ST3GAL3: variants seen among roughly 807,000 people sequenced by gnomAD.
ST3GAL3 encodes the protein CMP-N-acetylneuraminate-beta-1,4-galactoside alpha-2,3-sialyltransferase.
ST3GAL3 carries 21 observed loss-of-function variants against 50.1 expected under a neutral mutation model. The ratio of observed to expected loss-of-function variants is 0.42; its 90% CI spans 0.30 to 0.60. The LOEUF (loss-of-function observed/expected upper bound fraction) is 0.60, where lower values mean the gene tolerates loss of function less well. ST3GAL3 is among the 20% of genes least tolerant of loss of function. The pLI is 0.19. For missense variants in ST3GAL3, 353 were observed against 489.4 expected (o/e 0.72, Z 2.63); for synonymous variants, 183 against 190.0 (o/e 0.96, Z 0.30).
Position 43,899,043 on chromosome 1 carries a change from A to G in ST3GAL3, c.462-125A>G. 1.5e-6 allele frequency: 2 copies of G among 1,368,864 alleles called. No homozygotes were observed. The highest frequency in any genetic ancestry group is 1.2e-5 in the South Asian group (1 of 80,972). The allele number at this position is 1,368,864 out of a possible 1,614,324, so 84.8% of individuals were successfully genotyped here. On this transcript the variant is annotated intron_variant, in intron 7 of 11. Coordinates refer to ENST00000347631, the MANE Select transcript of ST3GAL3 (RefSeq NM_006279.5). This position sits in a 1 kb window ranked among gnomAD's most constrained non-coding sequence, Gnocchi z 5.4. Reference sequence around the variant, plus strand: ...CTCTCAGAAATGCTGCCAGAAGCCCATTGGTCTTCTTCCTCTATCCCAGCC... The same window carrying G: ...CTCTCAGAAATGCTGCCAGAAGCCCGTTGGTCTTCTTCCTCTATCCCAGCC...
chr1:43,751,808 T>C (rs1686215055), intron 2 of ST3GAL3, among the ~76,000 whole-genome samples: 1 of 152,126 alleles, frequency 6.6e-6, no homozygotes, highest in South Asian at 2.1e-4. Context: ...GAGGTTGTAA[T>C]TGGTTACATT....
chr1:43,884,552 A>C (rs1180239200), intron 5 of ST3GAL3, among the ~76,000 whole-genome samples: 1 of 152,152 alleles, frequency 6.6e-6, no homozygotes, highest in Non-Finnish European at 1.5e-5. Context: ...CTATCTCCCT[A>C]CGTTATGTCT....
chr1:43,930,536 T>TG lies in ST3GAL3; in HGVS notation c.*316dup, dbSNP rs2084881939. On this transcript the variant is annotated 3_prime_UTR_variant, in exon 12 of 12. Transcript: ENST00000347631. ...AATCACTTCTCCAATCAGTGTTTGG[T>TG]GTATTATCATTTTGTGAATTTGGGT... 1 of 481,444 alleles carries TG rather than the reference T, an allele frequency of 2.1e-6. No homozygotes were observed. The highest frequency in any genetic ancestry group is 3.8e-6 in the Non-Finnish European group (1 of 262,486). The allele number at this position is 481,444 out of a possible 1,614,324, so 29.8% of individuals were successfully genotyped here.
intron 2 of ST3GAL3, chr1:43,736,873 A>G (rs138457980): frequency 1.0e-3 from 244 of 239,492 alleles, no homozygotes; most frequent in African/African-American, 5.2e-3. Context: ...GCTGCTATTG[A>G]ACTTGCACCT....
At chr1:43,837,676 AT>A (rs2064600753) in intron 4 of ST3GAL3, among the ~76,000 whole-genome samples, 1 of 152,230 alleles carries the variant, frequency 6.6e-6, no homozygotes, top group Non-Finnish European at 1.5e-5. Context: ...CCTGCAAAGA[AT>A]TATGAGTTTG....
intron 4 of ST3GAL3, 25 bp downstream of exon 4, chr1:43,814,958 G>A: frequency 6.2e-7 from 1 of 1,612,872 alleles, no homozygotes; most frequent in Non-Finnish European, 8.5e-7. Flanking sequence ...AAGATACCTT[G>A]GCTCTGTGGC....
At chr1:43,758,452 T>A (rs1433991317) in intron 2 of ST3GAL3, among the ~76,000 whole-genome samples, 1 of 151,978 alleles carries the variant, frequency 6.6e-6, no homozygotes, top group Non-Finnish European at 1.5e-5. Flanking sequence ...AGGGTTTTGC[T>A]ATATTGCCCA....
chr1:43,736,803 A>G (rs1028160556), intron 2 of ST3GAL3: 1 of 280,236 alleles, frequency 3.6e-6, no homozygotes, highest in African/African-American at 2.2e-5. Context: ...TTTCAACATA[A>G]TATTGTCTCT....
At chr1:43,907,390 A>G (rs1450987542) in intron 9 of ST3GAL3, among the ~76,000 whole-genome samples, 2 of 152,194 alleles carry the variant, frequency 1.3e-5, no homozygotes, top group African/African-American at 4.8e-5. Context: ...GAGAAGCTAC[A>G]GCCAAGGTGG....
intron 1 of ST3GAL3, among the ~76,000 whole-genome samples, chr1:43,719,673 AAG>A (rs2154070446): frequency 6.6e-6 from 1 of 151,032 alleles, no homozygotes; most frequent in African/African-American, 2.4e-5. Context: ...TCAAAAAAAA[AAG>A]AATAAGCGGT....
At chr1:43,884,475 G>A (rs898749577) in intron 5 of ST3GAL3, among the ~76,000 whole-genome samples, 1 of 152,206 alleles carries the variant, frequency 6.6e-6, no homozygotes, top group African/African-American at 2.4e-5. Context: ...CTCTTCCTGT[G>A]CATGGCCCTT....
At chr1:43,864,874 C>A (rs2070906144) in intron 5 of ST3GAL3, among the ~76,000 whole-genome samples, 1 of 152,112 alleles carries the variant, frequency 6.6e-6, no homozygotes, top group African/African-American at 2.4e-5. Flanking sequence ...GGGAGAAGAG[C>A]ACGCTTATGG....
At chr1:43,799,012 T>C (rs964034907) in intron 3 of ST3GAL3, among the ~76,000 whole-genome samples, 1 of 152,240 alleles carries the variant, frequency 6.6e-6, no homozygotes, top group Non-Finnish European at 1.5e-5. Flanking sequence ...AGTTTTACTT[T>C]TATTGACACA....
intron 9 of ST3GAL3, chr1:43,918,968 T>C (rs1389140422): frequency 6.6e-6 from 1 of 151,990 alleles, no homozygotes; most frequent in Non-Finnish European, 1.5e-5. Context: ...CTTTTTGTTA[T>C]ATCTGATGAC....
chr1:43,708,406 A>AGGC (rs1662662261), intron 1 of ST3GAL3, among the ~76,000 whole-genome samples: 1 of 152,228 alleles, frequency 6.6e-6, no homozygotes. Flanking sequence ...GGACCAGTGA[A>AGGC]GGCGGCTATT....
intron 1 of ST3GAL3, among the ~76,000 whole-genome samples, chr1:43,710,529 C>T (rs1664169799): frequency 6.6e-6 from 1 of 152,252 alleles, no homozygotes; most frequent in Non-Finnish European, 1.5e-5. Flanking sequence ...GTCACTTCTC[C>T]AGCCAGGACT....
chr1:43,911,629 A>C (rs71518480), intron 9 of ST3GAL3, among the ~76,000 whole-genome samples: 82,794 of 122,916 alleles, frequency 0.67, 29,525 homozygotes, highest in Non-Finnish European at 0.81. Context: ...ATATCTATAG[A>C]TATCTATATC....
At chr1:43,742,963 T>A (rs1681636433) in intron 2 of ST3GAL3, among the ~76,000 whole-genome samples, 1 of 151,790 alleles carries the variant, frequency 6.6e-6, no homozygotes, top group African/African-American at 2.4e-5. Flanking sequence ...CTGGGCCTGG[T>A]GGCACGTGCC....
At chr1:43,862,930 C>T (rs1445416031) in intron 5 of ST3GAL3, among the ~76,000 whole-genome samples, 4 of 151,960 alleles carry the variant, frequency 2.6e-5, no homozygotes, top group Non-Finnish European at 5.9e-5. Flanking sequence ...AAACAGTGGA[C>T]AGAGTCTAAA....
Sources: gnomAD v4.1 joint callset for allele counts (sites outside exome capture counted in the v4.1 genomes callset) on GRCh38, gnomAD v4.1.1 for gene constraint, Gnocchi (gnomAD v3.1) non-coding constraint, MANE v1.5 for transcripts, NCBI Gene and HGNC (gene_info 2026-07-23, HGNC 2026-07-21) for gene names.